Variants in MMP8 observed in about 807,000 individuals in gnomAD.
The protein encoded by MMP8 is matrix metallopeptidase 8.
Under a neutral mutation model 51.2 loss-of-function variants are expected in MMP8, and 67 were observed. The ratio of observed to expected loss-of-function variants is 1.31; its 90% CI spans 1.08 to 1.60. MMP8 has a LOEUF of 1.60. MMP8 is among the 40% of genes most tolerant of loss of function. MMP8 has a pLI of 0.00. For synonymous variants in MMP8, 225 were observed against 191.0 expected (o/e 1.18, Z -1.47); for missense variants, 654 against 558.1 (o/e 1.17, Z -1.73).
At chr11:102,721,568 G>A in intron 3 of MMP8, 42 bp from the exon 4 acceptor site, 1 of 1,613,360 alleles carries the variant, frequency 6.2e-7, no homozygotes, top group South Asian at 1.1e-5. Context: ...CCAAGTTTCA[G>A]GTTAGCCAAA....
chr11:102,713,784 T>C lies in MMP8; in HGVS notation c.1264A>G (p.Ser422Gly), dbSNP rs1861198541. The C allele has an allele frequency of 1.2e-6, 2 of 1,610,118 alleles. No individual in the cohort carries two copies. The highest frequency in any genetic ancestry group is 2.2e-5 in the East Asian group (1 of 44,848). The change falls in exon 9 of 10, where the codon AGT becomes GGT. Residue 422 changes from serine (S) to glycine (G), a missense_variant. By Grantham distance (56) the Ser-to-Gly change is moderately conservative (BLOSUM62 0). Transcript: ENST00000236826. ...SISGAFPGIESKVDAVFQQEH... is the reference protein window; with the variant it reads ...SISGAFPGIEGKVDAVFQQEH... The stretch of plus-strand genomic sequence containing the variant: ...TGCTGGAAAACTGCATCAACTTTAC[T>C]CTCTATTCCTGGAAAGGCACCTGAT...
At position 102,715,410 on chromosome 11, in the gene MMP8, T is replaced by C; in HGVS notation, c.930A>G (p.Leu310=). Residue 310 remains leucine (L), a synonymous_variant, in exon 7 of 10, where the codon CTA becomes CTG. Coordinates refer to ENST00000236826, the MANE Select transcript of MMP8 (RefSeq NM_002424.3). ...DRYFWRRHPQ[L]QRVEMNFISL... The stretch of plus-strand genomic sequence containing the variant: ...AAATAAAATTCATTTCGACTCTTTG[T>C]AGCTGAGGATGCCTTCTCCAGAAGT... 6.2e-7 allele frequency: 1 copy of C among 1,613,712 alleles called. No individual in the cohort carries two copies. The highest frequency in any genetic ancestry group is 8.5e-7 in the Non-Finnish European group (1 of 1,179,760).
At chr11:102,722,944 C>A (rs912447920) in intron 1 of MMP8, 2 of 1,250,982 alleles carry the variant, frequency 1.6e-6, no homozygotes, top group Non-Finnish European at 1.1e-6. Context: ...TGCTACTCTA[C>A]AGTCAGGAGA....
Position 102,720,835 on chromosome 11 carries a change from C to CA in MMP8, c.622+565dup, listed in dbSNP as rs1398288959. Among the ~76,000 whole-genome samples, 9 of 150,652 alleles carry CA rather than the reference C, an allele frequency of 6.0e-5. No homozygotes were observed. In the East Asian group the frequency reaches 1.7e-3, roughly 29 times the overall value. On this transcript the variant is annotated intron_variant, in intron 4 of 9. Coordinates refer to ENST00000236826, the MANE Select transcript of MMP8 (RefSeq NM_002424.3). ...AAATTATAATTTCTAAATGAATTTC[C>CA]AAAAAATGGAAAAATAGGCTAATTT...
rs74945361 is a variant in MMP8, at chr11:102,719,114, T to C, written c.623-539A>G. On this transcript the variant is annotated intron_variant, in intron 4 of 9. Transcript: ENST00000236826. ...TGAGCTTTCTAAGATGCTCTAGGAATTCTCTACTGGAGAGAGACAAATCCT... is the reference window on the plus strand; with the variant it reads ...TGAGCTTTCTAAGATGCTCTAGGAACTCTCTACTGGAGAGAGACAAATCCT... 3.9e-3 allele frequency among the ~76,000 whole-genome samples: 601 copies of C among 152,332 alleles called. 5 individuals are homozygous for C. The highest frequency in any genetic ancestry group is 0.014 in the African/African-American group (563 of 41,572).
At chr11:102,721,855 C>T (rs1031710106) in intron 2 of MMP8, 93 bp from the exon 3 acceptor site, 2 of 1,431,642 alleles carry the variant, frequency 1.4e-6, no homozygotes, top group South Asian at 1.3e-5. Context: ...TGAGTTGCAT[C>T]ATGGTGTGCT....
intron 4 of MMP8, among the ~76,000 whole-genome samples, chr11:102,720,612 C>A (rs572190062): frequency 1.3e-5 from 2 of 152,282 alleles, no homozygotes; most frequent in East Asian, 3.9e-4. Context: ...TGAAGTACCA[C>A]ATGGTCTGGG....
intron 5 of MMP8, among the ~76,000 whole-genome samples, chr11:102,716,893 T>C (rs1325441840): frequency 6.6e-6 from 1 of 152,220 alleles, no homozygotes; most frequent in Non-Finnish European, 1.5e-5. Context: ...GTTTTCTCAC[T>C]GTGGAATGAA....
intron 1 of MMP8, among the ~76,000 whole-genome samples, 193 bp downstream of exon 1, chr11:102,724,561 T>A (rs1221987494): frequency 2.0e-5 from 3 of 152,242 alleles, no homozygotes; most frequent in African/African-American, 7.2e-5. Flanking sequence ...TCAGCTTGTT[T>A]TCATGTCCGG....
chr11:102,724,295 C>T (rs1015481651), intron 1 of MMP8, among the ~76,000 whole-genome samples: 17 of 152,112 alleles, frequency 1.1e-4, no homozygotes. Context: ...TATGATTTTA[C>T]TGTGTACTGA....
rs555428235 is a variant in MMP8 at position 102,715,256 on chromosome 11, C to T, written c.1036+48G>A. The T allele has an allele frequency of 2.6e-4, 405 of 1,570,860 alleles. 5 individuals are homozygous for T. In the South Asian group the frequency reaches 3.8e-3, roughly 15 times the overall value. On this transcript the variant is annotated intron_variant, in intron 7 of 9. Transcript: ENST00000236826. ...AAGGGACCACAAAGAAGTCCTGCCC[C>T]CTCCCTTCAGGCAGAACTAACATAA... is the stretch of plus-strand genomic sequence containing the variant.
intron 1 of MMP8, among the ~76,000 whole-genome samples, chr11:102,724,527 G>A (rs34136483): frequency 0.022 from 3,347 of 152,278 alleles, 43 homozygotes; most frequent in Non-Finnish European, 0.036. Flanking sequence ...CTCTACAGCA[G>A]TATTTTCCCA....
intron 8 of MMP8, among the ~76,000 whole-genome samples, 184 bp from the exon 9 acceptor site, chr11:102,714,041 CAT>C (rs1292655618): frequency 6.6e-6 from 1 of 152,116 alleles, no homozygotes; most frequent in Non-Finnish European, 1.5e-5. Context: ...ATTTATAAAA[CAT>C]ATGGTTATCA....
chr11:102,721,558 C>G (rs772001758), intron 3 of MMP8, 32 bp from the exon 4 acceptor site: 2 of 1,613,296 alleles, frequency 1.2e-6, no homozygotes, highest in African/African-American at 2.7e-5. Context: ...TAGATCCTTG[C>G]CAAGTTTCAG....
intron 5 of MMP8, among the ~76,000 whole-genome samples, chr11:102,717,305 A>G (rs1008128963): frequency 6.6e-6 from 1 of 152,212 alleles, no homozygotes; most frequent in African/African-American, 2.4e-5. Context: ...TCCAGGCAAT[A>G]TGGCAAAAGG....
At chr11:102,723,676 C>G (rs1342463450) in intron 1 of MMP8, 1 of 288,464 alleles carries the variant, frequency 3.5e-6, no homozygotes, top group Non-Finnish European at 7.0e-6. Flanking sequence ...AGAGCCAGAA[C>G]CCACTCCAGC....
At chr11:102,723,886 C>T in intron 1 of MMP8, 1 of 286,434 alleles carries the variant, frequency 3.5e-6, no homozygotes, top group Non-Finnish European at 7.5e-6. Flanking sequence ...CTTAACTCTG[C>T]CATGAATTAA....
intron 4 of MMP8, among the ~76,000 whole-genome samples, chr11:102,720,759 T>A (rs982687599): frequency 1.3e-5 from 2 of 152,048 alleles, no homozygotes; most frequent in African/African-American, 4.8e-5. Context: ...ACTAACTAGA[T>A]GAGAGGGAAG....
Position 102,712,389 on chromosome 11 carries a change from C to G in MMP8, c.*959G>C, listed in dbSNP as rs775278522. The G allele has an allele frequency of 2.0e-5, 3 of 151,888 alleles. No homozygotes were observed. Among genetic ancestry groups the G allele is most frequent in the Non-Finnish European group, 2.9e-5 (2 of 67,964 alleles). The allele number at this position is 151,888 out of a possible 1,614,324, so 9.4% of individuals were successfully genotyped here. On this transcript the variant is annotated 3_prime_UTR_variant, in exon 10 of 10. Transcript: ENST00000236826. Reference sequence around the variant, plus strand: ...ATTCATTTTCATATGTGTAGATGTACTGTGTCTAGTACCTCATGTCTAGGG... The same window carrying G: ...ATTCATTTTCATATGTGTAGATGTAGTGTGTCTAGTACCTCATGTCTAGGG...
Sources: gnomAD v4.1 joint callset for allele counts (sites outside exome capture counted in the v4.1 genomes callset) on GRCh38, gnomAD v4.1.1 for gene constraint, MANE v1.5 for transcripts, NCBI Gene and HGNC (gene_info 2026-07-23, HGNC 2026-07-21) for gene names.